The following TMC5 variants were observed in gnomAD, a reference collection of about 807,000 sequenced individuals.
TMC5 encodes the protein transmembrane channel-like protein 5.
TMC5 carries 86 observed loss-of-function variants against 110.5 expected under a neutral mutation model. The ratio of observed to expected loss-of-function variants is 0.78; its 90% CI spans 0.65 to 0.93. TMC5 has a LOEUF of 0.93. Ranked by LOEUF, TMC5 falls within the 40% of genes least tolerant of loss-of-function variation. The pLI, the probability that TMC5 is intolerant of heterozygous loss-of-function variation, is 0.00. For synonymous variants in TMC5, 455 were observed against 439.5 expected (o/e 1.04, Z -0.44); for missense variants, 1,144 against 1,222.8 (o/e 0.94, Z 0.96).
chr16:19,429,813 G>A (rs1462150979), intron 1 of TMC5, among the ~76,000 whole-genome samples: 4 of 151,328 alleles, frequency 2.6e-5, no homozygotes, highest in African/African-American at 7.3e-5. Flanking sequence ...CACCTGCCTC[G>A]GCCTCCCAAA....
At chr16:19,465,969 A>G in intron 8 of TMC5, 113 bp from the exon 9 acceptor site, 2 of 1,162,846 alleles carry the variant, frequency 1.7e-6, no homozygotes, top group Non-Finnish European at 2.4e-6. Context: ...CAAAATGTCT[A>G]AACTGACTGG....
intron 2 of TMC5, among the ~76,000 whole-genome samples, chr16:19,431,991 C>A (rs1298316509): frequency 6.6e-6 from 1 of 152,138 alleles, no homozygotes; most frequent in Non-Finnish European, 1.5e-5. Context: ...CAATCCTTAG[C>A]AATTCTGGCT....
chr16:19,433,619 T>G (rs1230742996), intron 2 of TMC5, among the ~76,000 whole-genome samples: 2 of 152,126 alleles, frequency 1.3e-5, no homozygotes, highest in African/African-American at 4.8e-5. Context: ...TGGGAGGAAG[T>G]GTAGTCCTCT....
At chr16:19,446,251 G>A (rs1266733237) in intron 4 of TMC5, among the ~76,000 whole-genome samples, 1 of 152,180 alleles carries the variant, frequency 6.6e-6, no homozygotes, top group African/African-American at 2.4e-5. Context: ...AAATCCCAAG[G>A]GGGGAATATC....
chr16:19,466,033 C>G (rs762076023), intron 8 of TMC5, 49 bp from the exon 9 acceptor site: 36 of 1,595,808 alleles, frequency 2.3e-5, no homozygotes, highest in Non-Finnish European at 3.1e-5. Context: ...AATCGTTTAC[C>G]TTTTTTTTCA....
In TMC5 at chr16:19,472,128, C is replaced by T. The variant is rs8060130; in HGVS notation, c.1823C>T (p.Thr608Met). ...CTCCGTCAGGAGAATTCCAAGTTGACGTTCAATCAGCTGCTGACCCGCTTC... is the reference window on the plus strand; with the variant it reads ...CTCCGTCAGGAGAATTCCAAGTTGATGTTCAATCAGCTGCTGACCCGCTTC... ...SELRQENSKL[T>M]FNQLLTRFSA... Residue 608 changes from threonine (T) to methionine (M), a missense_variant, in exon 11 of 22, where the codon ACG becomes ATG. Coordinates refer to ENST00000542583, the MANE Select transcript of TMC5 (RefSeq NM_001261841.2). The T allele has an allele frequency of 7.4e-5, 120 of 1,614,142 alleles. No homozygotes were observed. In the African/African-American group the frequency reaches 1.3e-3, roughly 18 times the overall value.
intron 6 of TMC5, 69 bp from the exon 7 acceptor site, chr16:19,463,211 T>C (rs1230862515): frequency 3.3e-6 from 4 of 1,213,500 alleles, no homozygotes; most frequent in African/African-American, 3.0e-5. Context: ...TGAGCCACCA[T>C]GTAACTATTT....
At chr16:19,458,120 AAGATCATC>A (rs1444602871) in intron 5 of TMC5, among the ~76,000 whole-genome samples, 1 of 152,114 alleles carries the variant, frequency 6.6e-6, no homozygotes, top group African/African-American at 2.4e-5. Context: ...TCTTGTTGGC[AAGATCATC>A]AGGAAACCAG....
At chr16:19,444,051 T>A (rs753455266) in intron 3 of TMC5, 30 bp from the exon 4 acceptor site, 1 of 1,604,976 alleles carries the variant, frequency 6.2e-7, no homozygotes, top group Non-Finnish European at 8.5e-7. Flanking sequence ...TACTCTTGGT[T>A]GGATAGTGAT....
intron 9 of TMC5, among the ~76,000 whole-genome samples, chr16:19,467,670 C>T (rs1302207864): frequency 2.0e-5 from 3 of 151,926 alleles, no homozygotes; most frequent in Non-Finnish European, 4.4e-5. Context: ...TTATTAGAAA[C>T]GGGGTTTCAC....
chr16:19,484,415 C>T (rs1209151332), intron 15 of TMC5, among the ~76,000 whole-genome samples: 1 of 152,200 alleles, frequency 6.6e-6, no homozygotes, highest in African/African-American at 2.4e-5. Flanking sequence ...TAAACTCTCT[C>T]CAAACCTTAG....
intron 8 of TMC5, among the ~76,000 whole-genome samples, chr16:19,465,032 TTTCTTTCTTTCTTTCTTTCTTTC>T: frequency 8.3e-6 from 1 of 120,580 alleles, no homozygotes; most frequent in East Asian, 2.3e-4. Flanking sequence ...TCTTTCTTTC[TTTCTTTCTTTCTTTCTTTCTTTC>T]TTTTCCTTCC....
At chr16:19,432,647 C>A (rs889477963) in intron 2 of TMC5, among the ~76,000 whole-genome samples, 3 of 152,110 alleles carry the variant, frequency 2.0e-5, no homozygotes, top group Non-Finnish European at 4.4e-5. Flanking sequence ...GGGTTTAGCT[C>A]TTTGTTTGTT....
chr16:19,450,626 C>T (rs969342963), intron 5 of TMC5, among the ~76,000 whole-genome samples: 1 of 152,196 alleles, frequency 6.6e-6, no homozygotes, highest in Non-Finnish European at 1.5e-5. Context: ...GAGCCCTCTG[C>T]TTAGCCACCT....
rs528909981 is a variant in TMC5 at position 19,463,020 on chromosome 16, C to A, written c.1149-260C>A. On this transcript the variant is annotated intron_variant, in intron 6 of 21. Coordinates refer to ENST00000542583, the MANE Select transcript of TMC5 (RefSeq NM_001261841.2). ...AAACTTTTGGGCCCAAGTAATCCCC[C>A]CACCACAGCCTCTGGAGTAGCTGGG... 2.6e-5 allele frequency among the ~76,000 whole-genome samples: 4 copies of A among 152,266 alleles called. No individual in the cohort carries two copies. In the South Asian group the frequency reaches 8.3e-4, roughly 32 times the overall value.
intron 1 of TMC5, chr16:19,411,550 A>G (rs1237043634): frequency 6.6e-6 from 1 of 152,216 alleles, no homozygotes; most frequent in Non-Finnish European, 1.5e-5. Context: ...ACTGAATATT[A>G]TCTAATCCAG....
intron 20 of TMC5, among the ~76,000 whole-genome samples, chr16:19,495,818 G>A (rs1334801222): frequency 1.3e-5 from 2 of 151,716 alleles, no homozygotes; most frequent in African/African-American, 4.8e-5. Context: ...CAGCTTGGGA[G>A]ACAGAACAAG....
chr16:19,432,553 C>T (rs1349552313), intron 2 of TMC5, among the ~76,000 whole-genome samples: 2 of 152,218 alleles, frequency 1.3e-5, no homozygotes, highest in Non-Finnish European at 1.5e-5. Context: ...TCTCAGAAGG[C>T]CACTCCCACT....
At chr16:19,473,689 A>T (rs2143653069) in intron 11 of TMC5, among the ~76,000 whole-genome samples, 1 of 152,290 alleles carries the variant, frequency 6.6e-6, no homozygotes, top group South Asian at 2.1e-4. Context: ...TTAACAAAAT[A>T]GTTAACCTAG....
Sources: allele counts gnomAD v4.1 joint callset (sites outside exome capture counted in the v4.1 genomes callset), GRCh38; gene constraint gnomAD v4.1.1; transcripts MANE v1.5; gene names NCBI Gene and HGNC (gene_info 2026-07-23, HGNC 2026-07-21).